Variants in TCHHL1 observed in about 807,000 individuals in gnomAD.
TCHHL1 encodes the protein trichohyalin-like protein 1.
TCHHL1 carries 1 observed loss-of-function variant against 3.5 expected under a neutral mutation model. The ratio of observed to expected loss-of-function variants is 0.29; its 90% CI spans 0.10 to 1.36. TCHHL1 has a LOEUF of 1.36. Ranked by LOEUF, TCHHL1 falls within the 40% of genes most tolerant of loss-of-function variation. The pLI is 0.43. For missense variants in TCHHL1, 1,027 were observed against 1,032.8 expected, an observed-to-expected ratio of 0.99 and a Z score of 0.08; for synonymous variants, 405 against 375.3, an observed-to-expected ratio of 1.08 and a Z score of -0.92.
chr1:152,086,947 G>T lies in TCHHL1; in HGVS notation c.735C>A (p.Ser245=), dbSNP rs762110838. Residue 245 remains serine, a synonymous_variant, in exon 3 of 3, where the codon TCC becomes TCA. Transcript: ENST00000368806. ...GDEPAREQSV[S]KIRDQFGEQE... ...GTTCTCCAAACTGGTCTCTTATCTT[G>T]GAAACACTTTGCTCTCTGGCTGGTT... 5 of 1,614,038 alleles carry T rather than the reference G, an allele frequency of 3.1e-6. No individual in the cohort carries two copies. The highest frequency in any genetic ancestry group is 1.7e-5 in the Admixed American group (1 of 60,010).
chr1:152,085,068 C>T lies in TCHHL1; in HGVS notation c.2614G>A (p.Ala872Thr). Residue 872 changes from alanine to threonine, a missense_variant, in exon 3 of 3, where the codon GCA becomes ACA. Physicochemically the swap from Ala to Thr is moderately conservative, Grantham distance 58 (BLOSUM62 0). Transcript: ENST00000368806. ...GCCTGGGGAGCTGGTGTTTCCTGTG[C>T]ACCAGCAGGACTCTCATCAAGTGGA... ...GLPLDESPAG[A>T]QETPAPQALE... 8.7e-6 allele frequency: 14 copies of T among 1,614,018 alleles called. No individual in the cohort carries two copies. The highest frequency in any genetic ancestry group is 1.1e-5 in the Non-Finnish European group (13 of 1,180,016).
In TCHHL1 at chr1:152,086,378, G is replaced by A. The variant is rs752988202; in HGVS notation, c.1304C>T (p.Ser435Leu). The change falls in exon 3 of 3, where the codon TCA becomes TTA. Residue 435 changes from serine (S) to leucine (L), a missense_variant. Coordinates refer to ENST00000368806, the MANE Select transcript of TCHHL1 (RefSeq NM_001008536.2). ...KYQELQGLSK[S>L]KDAEKGSETQ... ...CTCAGAACCTTTTTCAGCATCTTTT[G>A]ATTTTGATAATCCTTGGAGTTCCTG... 6.2e-7 allele frequency: 1 copy of A among 1,614,092 alleles called. No homozygotes were observed. The highest frequency in any genetic ancestry group is 8.5e-7 in the Non-Finnish European group (1 of 1,180,018).
Position 152,086,100 on chromosome 1 carries a change from C to A in TCHHL1, c.1582G>T (p.Asp528Tyr). 1 of 1,614,154 alleles carries A rather than the reference C, an allele frequency of 6.2e-7. No individual in the cohort carries two copies. The highest frequency in any genetic ancestry group is 8.5e-7 in the Non-Finnish European group (1 of 1,180,022). The change falls in exon 3 of 3, where the codon GAT becomes TAT. Residue 528 changes from aspartate to tyrosine, a missense_variant. Asp to Tyr is a radical substitution (Grantham distance 160, BLOSUM62 -3). Around this residue, in one of 3 missense-constraint regions of TCHHL1, gnomAD observed 673 missense variants for 658.6 expected, o/e 1.02. Coordinates refer to ENST00000368806, the MANE Select transcript of TCHHL1 (RefSeq NM_001008536.2). Reference protein sequence around the residue: ...KTHDQPVEEEDGYQGEDPESP... With the variant: ...KTHDQPVEEEYGYQGEDPESP... ...TCAGGGTCCTCCCCCTGGTAACCAT[C>A]CTCCTCCTCAACTGGTTGGTCATGA...
In TCHHL1 at chr1:152,085,443, C is replaced by T. The variant is rs1352207287; in HGVS notation, c.2239G>A (p.Glu747Lys). The stretch of plus-strand genomic sequence containing the variant: ...GCCAGCTCTTGGGGACTTTCATCTT[C>T]CTCCTCTGATGTTACAGGTTCCTTT... Reference protein sequence around the residue: ...ETKEPVTSEEEDESPQELAGE... With the variant: ...ETKEPVTSEEKDESPQELAGE... The change falls in exon 3 of 3, where the codon GAA (glutamate) becomes AAA (lysine). Residue 747 changes from glutamate to lysine, a missense_variant. This residue lies in a region of TCHHL1 where 673 missense variants were observed against 658.6 expected (regional missense o/e 1.02). Transcript: ENST00000368806. The T allele has an allele frequency of 1.2e-6, 2 of 1,614,066 alleles. No homozygotes were observed. The highest frequency in any genetic ancestry group is 1.7e-6 in the Non-Finnish European group (2 of 1,180,052).
rs1185640598 is a variant in TCHHL1, at chr1:152,087,141, T to C, written c.541A>G (p.Lys181Glu). 6.2e-7 allele frequency: 1 copy of C among 1,614,248 alleles called. No homozygotes were observed. The highest frequency in any genetic ancestry group is 1.7e-5 in the Admixed American group (1 of 60,034). Residue 181 changes from lysine to glutamate, a missense_variant, in exon 3 of 3, where the codon AAA becomes GAA. Lys to Glu is a moderately conservative substitution (Grantham distance 56, BLOSUM62 1). Coordinates refer to ENST00000368806, the MANE Select transcript of TCHHL1 (RefSeq NM_001008536.2). ...CTTTGTTCATCTCCTTCCAGGTGTT[T>C]GTTCTTAGGATCATTGTGTTCAGAT... ...EASEHNDPKN[K>E]HLEGDEQSQE...
chr1:152,085,604 C>T lies in TCHHL1; in HGVS notation c.2078G>A (p.Gly693Glu), dbSNP rs758282713. The change falls in exon 3 of 3, where the codon GGA becomes GAA. Residue 693 changes from glycine (G) to glutamate (E), a missense_variant. Gly to Glu is a moderately conservative substitution (Grantham distance 98). Transcript: ENST00000368806. Reference sequence around the variant, plus strand: ...GACCTTTAATTCATTTCTGCTATCTCCCTTTCCAGGGAGCTGCATTAGGGA... The same window carrying T: ...GACCTTTAATTCATTTCTGCTATCTTCCTTTCCAGGGAGCTGCATTAGGGA... ...QLSLMQLPGK[G>E]DSRNELKVQG... The T allele has an allele frequency of 1.2e-6, 2 of 1,614,196 alleles. No individual in the cohort carries two copies. The highest frequency in any genetic ancestry group is 2.2e-5 in the East Asian group (1 of 44,880).
chr1:152,087,385 C>A lies in TCHHL1; in HGVS notation c.297G>T (p.Val99=). The A allele has an allele frequency of 6.2e-7, 1 of 1,613,470 alleles. No individual in the cohort carries two copies. The highest frequency in any genetic ancestry group is 8.5e-7 in the Non-Finnish European group (1 of 1,180,026). The change falls in exon 3 of 3, where the codon GTG becomes GTT. Residue 99 remains valine, a synonymous_variant. Coordinates refer to ENST00000368806, the MANE Select transcript of TCHHL1 (RefSeq NM_001008536.2). ...KSLLSSELRQ[V]TKPEKEKLDD... Reference sequence around the variant, plus strand: ...CTAGCTTCTCCTTCTCTGGTTTAGTCACCTGTCTTAGTTCAGAACTTAGTA... The same window carrying A: ...CTAGCTTCTCCTTCTCTGGTTTAGTAACCTGTCTTAGTTCAGAACTTAGTA...
chr1:152,086,440 T>A lies in TCHHL1; in HGVS notation c.1242A>T (p.Pro414=). 1.9e-6 allele frequency: 3 copies of A among 1,614,142 alleles called. No homozygotes were observed. Among genetic ancestry groups the A allele is most frequent in the Non-Finnish European group, 2.5e-6 (3 of 1,180,024 alleles). The change falls in exon 3 of 3, where the codon CCA becomes CCT. Residue 414 remains proline (P), a synonymous_variant. Transcript: ENST00000368806. ...GQKERDRKTR[P]LVLETQTQDG... is the part of the protein sequence containing the mutation. ...CCTGTGTTTGGGTTTCCAGGACTAG[T>A]GGCCGAGTTTTTCTGTCACGTTCTT... is the stretch of plus-strand genomic sequence containing the variant.
In TCHHL1 at chr1:152,087,375, C is replaced by T. The variant is rs1194898112; in HGVS notation, c.307G>A (p.Glu103Lys). ...SSELRQVTKP[E>K]KEKLDDVDVQ... The stretch of plus-strand genomic sequence containing the variant: ...TCCACATCATCTAGCTTCTCCTTCT[C>T]TGGTTTAGTCACCTGTCTTAGTTCA... The change falls in exon 3 of 3, where the codon GAG becomes AAG. Residue 103 changes from glutamate to lysine, a missense_variant. By Grantham distance (56) the Glu-to-Lys change is moderately conservative. Transcript: ENST00000368806. 6.2e-7 allele frequency: 1 copy of T among 1,613,654 alleles called. No homozygotes were observed. The highest frequency in any genetic ancestry group is 1.7e-5 in the Admixed American group (1 of 60,024).
chr1:152,084,895 A>C lies in TCHHL1; in HGVS notation c.*72T>G. 7.0e-7 allele frequency: 1 copy of C among 1,428,340 alleles called. No individual in the cohort carries two copies. Among genetic ancestry groups the C allele is most frequent in the East Asian group, 2.3e-5 (1 of 43,664 alleles). The allele number at this position is 1,428,340 out of a possible 1,614,324, so 88.5% of individuals were successfully genotyped here. On this transcript the variant is annotated 3_prime_UTR_variant, in exon 3 of 3. Transcript: ENST00000368806. ...AGAATTTAAAAGATTGTTAATCTGC[A>C]TCTGAATGTGTACACGTGAGTATTG...
intron 2 of TCHHL1, 96 bp downstream of exon 2, chr1:152,087,910 G>T: frequency 1.4e-6 from 2 of 1,413,860 alleles, no homozygotes; most frequent in Non-Finnish European, 1.9e-6. Context: ...TGTTAGCTAG[G>T]TGTAAAATGG....
At position 152,086,487 on chromosome 1, in the gene TCHHL1, C is replaced by A; in HGVS notation, c.1195G>T (p.Ala399Ser). The change falls in exon 3 of 3, where the codon GCC becomes TCC. Residue 399 changes from alanine to serine, a missense_variant. Ala to Ser is a moderately conservative substitution (Grantham distance 99, BLOSUM62 1). Coordinates refer to ENST00000368806, the MANE Select transcript of TCHHL1 (RefSeq NM_001008536.2). Reference protein sequence around the residue: ...DERKERRGPEAHGTAGQKERD... With the variant: ...DERKERRGPESHGTAGQKERD... ...TCTTTCTGCCCTGCTGTTCCATGGG[C>A]CTCAGGACCTCTCCTCTCTTTCCTT... 1 of 1,614,186 alleles carries A rather than the reference C, an allele frequency of 6.2e-7. No individual in the cohort carries two copies. Among genetic ancestry groups the A allele is most frequent in the Non-Finnish European group, 8.5e-7 (1 of 1,180,024 alleles).
intron 1 of TCHHL1, among the ~76,000 whole-genome samples, chr1:152,088,640 A>G (rs1377235344): frequency 6.6e-6 from 1 of 152,114 alleles, no homozygotes; most frequent in Non-Finnish European, 1.5e-5. Context: ...ACACCAAGAA[A>G]ATTAACCCCT....
At position 152,088,032 on chromosome 1, in the gene TCHHL1, G is replaced by C. The variant is rs776894954; in HGVS notation, c.112C>G (p.Gln38Glu). ...TGAAAAAAGTCCCCAAACTCGCCCT[G>C]GATGAGTTGTTTCAGCTCTCTGCCA... ...LTGRELKQLI[Q>E]GEFGDFFQPC... The change falls in exon 2 of 3, where the codon CAG becomes GAG. Residue 38 changes from glutamine to glutamate, a missense_variant. Gln to Glu is a conservative substitution (Grantham distance 29). Around this residue, in one of 3 missense-constraint regions of TCHHL1, gnomAD observed 338 missense variants for 335.9 expected, o/e 1.01. Transcript: ENST00000368806. The C allele has an allele frequency of 6.2e-7, 1 of 1,606,028 alleles. No individual in the cohort carries two copies. Among genetic ancestry groups the C allele is most frequent in the Non-Finnish European group, 8.5e-7 (1 of 1,177,578 alleles).
At position 152,087,342 on chromosome 1, in the gene TCHHL1, C is replaced by T. The variant is rs377679829; in HGVS notation, c.340G>A (p.Ala114Thr). ...KEKLDDVDVQ[A>T]TTGDGQWTVG... is the part of the protein sequence containing the mutation. ...GTCCACTGACCATCTCCGGTGGTTGCCTGAACATCCACATCATCTAGCTTC... is the reference window on the plus strand; with the variant it reads ...GTCCACTGACCATCTCCGGTGGTTGTCTGAACATCCACATCATCTAGCTTC... Residue 114 changes from alanine to threonine, a missense_variant, in exon 3 of 3, where the codon GCA becomes ACA. Transcript: ENST00000368806. The T allele has an allele frequency of 5.0e-6, 8 of 1,613,756 alleles. No individual in the cohort carries two copies. Among genetic ancestry groups the T allele is most frequent in the South Asian group, 4.4e-5 (4 of 91,058 alleles).
rs552904097 is a variant in TCHHL1 at position 152,084,874 on chromosome 1, T to C, written c.*93A>G. 1.7e-5 allele frequency: 23 copies of C among 1,348,504 alleles called. No individual in the cohort carries two copies. In the South Asian group the frequency reaches 2.9e-4, roughly 17 times the overall value. The allele number at this position is 1,348,504 out of a possible 1,614,324, so 83.5% of individuals were successfully genotyped here. ...TTTTTGTAGAAATTTAGGAAGAGAA[T>C]TTAAAAGATTGTTAATCTGCATCTG... is the stretch of plus-strand genomic sequence containing the variant. On this transcript the variant is annotated 3_prime_UTR_variant, in exon 3 of 3. Transcript: ENST00000368806.
chr1:152,087,921 A>C (rs1307134189), intron 2 of TCHHL1, 85 bp downstream of exon 2: 1 of 1,471,272 alleles, frequency 6.8e-7, no homozygotes, highest in Non-Finnish European at 9.1e-7. Context: ...TGTAAAATGG[A>C]TGGGGATCAC....
Position 152,086,823 on chromosome 1 carries a change from T to TA in TCHHL1, c.858dup (p.Asn287Ter). ...CTTTGTAGGGGTGGTTCTTGTATAT[T>TA]AGAGTGTTTTTCCTTTTCTGTTCTA... On this transcript the variant is annotated frameshift_variant, in exon 3 of 3. Transcript: ENST00000368806. LOFTEE classifies it low-confidence loss of function (END_TRUNC). 6.2e-7 allele frequency: 1 copy of TA among 1,614,196 alleles called. No homozygotes were observed. The highest frequency in any genetic ancestry group is 8.5e-7 in the Non-Finnish European group (1 of 1,180,036).
In TCHHL1 at chr1:152,086,201, C is replaced by T. The variant is rs771125912; in HGVS notation, c.1481G>A (p.Gly494Glu). 6.2e-6 allele frequency: 10 copies of T among 1,614,002 alleles called. 1 individual carries two copies. In the Admixed American group the frequency reaches 1.7e-4, roughly 27 times the overall value. Residue 494 changes from glycine (G) to glutamate (E), a missense_variant, in exon 3 of 3, where the codon GGG (glycine) becomes GAG (glutamate). Around this residue, in one of 3 missense-constraint regions of TCHHL1, gnomAD observed 673 missense variants for 658.6 expected, o/e 1.02. Transcript: ENST00000368806. ...KNAPAAERTLGARERTQDLAP... is the reference protein window; with the variant it reads ...KNAPAAERTLEARERTQDLAP... ...TAAATCTTGTGTTCTTTCTCTTGCC[C>T]CCAGTGTCCTTTCTGCTGCAGGTGC...
Sources: allele counts gnomAD v4.1 joint callset (sites outside exome capture counted in the v4.1 genomes callset), GRCh38; gene constraint gnomAD v4.1.1; regional missense constraint gnomAD v4.1.1; transcripts MANE v1.5; gene names NCBI Gene and HGNC (gene_info 2026-07-23, HGNC 2026-07-21).